CARF: variants seen among roughly 807,000 people sequenced by gnomAD.
CARF encodes calcium responsive transcription factor, also known as calcium-responsive transcription factor.
Under a neutral mutation model 82.0 loss-of-function variants are expected in CARF, and 57 were observed. The ratio of observed to expected loss-of-function variants is 0.70; its 90% CI spans 0.56 to 0.87. The LOEUF (loss-of-function observed/expected upper bound fraction) is 0.87. Ranked by LOEUF, CARF falls within the 40% of genes least tolerant of loss-of-function variation. The pLI is 0.00. For synonymous variants in CARF, 268 were observed against 290.1 expected (o/e 0.92, Z 0.77); for missense variants, 771 against 855.8 (o/e 0.90, Z 1.24).
intron 7 of CARF, among the ~76,000 whole-genome samples, chr2:202,955,014 G>GAA (rs778781065): frequency 7.3e-6 from 1 of 137,454 alleles, no homozygotes; most frequent in Non-Finnish European, 1.6e-5. Context: ...ACGCTGTCTC[G>GAA]AAAAAAAAAA....
intron 8 of CARF, among the ~76,000 whole-genome samples, chr2:202,955,981 C>T (rs559469614): frequency 1.3e-5 from 2 of 152,228 alleles, no homozygotes; most frequent in African/African-American, 4.8e-5. Flanking sequence ...TATTTCTTCT[C>T]TTGCAACTCT....
intron 3 of CARF, among the ~76,000 whole-genome samples, chr2:202,932,118 AAAC>A (rs1693047855): frequency 6.6e-6 from 1 of 151,956 alleles, no homozygotes; most frequent in Admixed American, 6.6e-5. Context: ...CCACACACTT[AAAC>A]AACGAGATCT....
rs2059313439 is a variant in CARF at position 202,961,353 on chromosome 2, A to G, written c.759A>G (p.Pro253=). The G allele has an allele frequency of 6.2e-7, 1 of 1,614,128 alleles. No individual in the cohort carries two copies. The highest frequency in any genetic ancestry group is 1.1e-5 in the South Asian group (1 of 91,094). Residue 253 remains proline (P), a synonymous_variant, in exon 9 of 17, where the codon CCA becomes CCG. Transcript: ENST00000438828. ...SVWGTRQSPS[P]AKPATRLMWK... is the part of the protein sequence containing the mutation. ...GGGGGACCCGTCAGTCTCCAAGCCCAGCCAAGCCTGCTACACGCTTGATGT... is the reference window on the plus strand; with the variant it reads ...GGGGGACCCGTCAGTCTCCAAGCCCGGCCAAGCCTGCTACACGCTTGATGT...
chr2:202,943,587 T>TACAC (rs754214990), intron 5 of CARF, among the ~76,000 whole-genome samples: 12,176 of 114,880 alleles, frequency 0.11, 712 homozygotes, highest in South Asian at 0.15. Flanking sequence ...TAATGGAATG[T>TACAC]ACACACACAC....
At chr2:202,979,992 C>CT (rs1365982175) in intron 14 of CARF, among the ~76,000 whole-genome samples, 2 of 152,160 alleles carry the variant, frequency 1.3e-5, no homozygotes, top group Non-Finnish European at 2.9e-5. Flanking sequence ...GGGTTTCACT[C>CT]TGTCACCCAT....
rs143712703 is a variant in CARF at position 202,916,449 on chromosome 2, G to A, written c.-329-1428G>A. Among the ~76,000 whole-genome samples the A allele has an allele frequency of 7.9e-5, 12 of 152,156 alleles. No individual in the cohort carries two copies. The East Asian group carries it at 2.1e-3, about 27-fold the overall frequency. ...GCCCACCTTGGCCTCCCAAAGTGCT[G>A]GGATTACAGGTGTGAGCCACCAGCA... On this transcript the variant is annotated intron_variant, in intron 1 of 16. Transcript: ENST00000438828.
chr2:202,970,184 G>C, intron 11 of CARF, 122 bp downstream of exon 11: 1 of 867,498 alleles, frequency 1.2e-6, no homozygotes, highest in South Asian at 1.9e-5. Flanking sequence ...ATAAGGTAGA[G>C]ATATCAATAG....
At chr2:202,945,681 A>G (rs1488702546) in intron 5 of CARF, among the ~76,000 whole-genome samples, 2 of 152,174 alleles carry the variant, frequency 1.3e-5, no homozygotes, top group Non-Finnish European at 2.9e-5. Context: ...CGTGGTGTAT[A>G]TGTACCACAT....
intron 1 of CARF, among the ~76,000 whole-genome samples, chr2:202,915,174 G>A (rs1559173633): frequency 6.6e-6 from 1 of 151,464 alleles, no homozygotes; most frequent in Admixed American, 6.6e-5. Context: ...CTGCCACCAT[G>A]CCCGGCTAAT....
At chr2:202,963,478 A>G (rs2059409703) in intron 9 of CARF, among the ~76,000 whole-genome samples, 1 of 152,178 alleles carries the variant, frequency 6.6e-6, no homozygotes, top group African/African-American at 2.4e-5. Flanking sequence ...AGCAGTCCCC[A>G]ATATTTTTGG....
intron 15 of CARF, 68 bp downstream of exon 15, chr2:202,981,753 C>T: frequency 7.4e-7 from 1 of 1,350,772 alleles, no homozygotes; most frequent in Non-Finnish European, 1.0e-6. Context: ...CTCTTCTTCT[C>T]CTAGGGATTT....
chr2:202,980,661 T>TATATATATATATATATATAC (rs1309966072), intron 14 of CARF, among the ~76,000 whole-genome samples: 1 of 125,434 alleles, frequency 8.0e-6, no homozygotes, highest in African/African-American at 3.1e-5. Context: ...TATATATATA[T>TATATATATATATATATATAC]AGTTGTGCCT....
chr2:202,982,478 C>T (rs751894102), intron 16 of CARF, 37 bp downstream of exon 16: 128 of 1,606,114 alleles, frequency 8.0e-5, no homozygotes, highest in Non-Finnish European at 1.1e-4. Flanking sequence ...ATTGTTGTAA[C>T]CTTTGTGGAT....
intron 3 of CARF, among the ~76,000 whole-genome samples, chr2:202,934,847 G>C (rs2105774113): frequency 6.6e-6 from 1 of 151,974 alleles, no homozygotes; most frequent in African/African-American, 2.4e-5. Context: ...AGGCCAAGGT[G>C]GGTAGATCAT....
chr2:202,970,856 T>C (rs1332796602), intron 11 of CARF, among the ~76,000 whole-genome samples: 1 of 151,930 alleles, frequency 6.6e-6, no homozygotes, highest in Non-Finnish European at 1.5e-5. Flanking sequence ...ACCGTCTACT[T>C]TTCTTTTTTT....
intron 3 of CARF, chr2:202,925,012 C>T: frequency 2.5e-6 from 1 of 400,914 alleles, no homozygotes; most frequent in Non-Finnish European, 4.8e-6. Context: ...CAAGTGGATC[C>T]TTTTGCAGCA....
At chr2:202,919,704 G>A (rs1188442375) in intron 2 of CARF, among the ~76,000 whole-genome samples, 1 of 152,126 alleles carries the variant, frequency 6.6e-6, no homozygotes, top group Non-Finnish European at 1.5e-5. Context: ...TAAAGCTATG[G>A]ATTTTTGACT....
At chr2:202,946,032 G>A in intron 5 of CARF, among the ~76,000 whole-genome samples, 1 of 152,070 alleles carries the variant, frequency 6.6e-6, no homozygotes, top group East Asian at 1.9e-4. Flanking sequence ...GTATCTCATT[G>A]TGGTTTTGAT....
rs2060431853 is a variant in CARF at position 202,986,522 on chromosome 2, C to T, written c.*2898C>T. ...TTATTCATTATAGTTTCCACATTTC[C>T]AACTTCCAAGTGAACTTTATATATA... On this transcript the variant is annotated 3_prime_UTR_variant, in exon 17 of 17. Transcript: ENST00000438828. 6.6e-6 allele frequency: 1 copy of T among 151,954 alleles called. No individual in the cohort carries two copies. Among genetic ancestry groups the T allele is most frequent in the African/African-American group, 2.4e-5 (1 of 41,376 alleles). The allele number at this position is 151,954 out of a possible 1,614,324, so 9.4% of individuals were successfully genotyped here.
Sources: gnomAD v4.1 joint callset for allele counts (sites outside exome capture counted in the v4.1 genomes callset) on GRCh38, gnomAD v4.1.1 for gene constraint, MANE v1.5 for transcripts, NCBI Gene and HGNC (gene_info 2026-07-23, HGNC 2026-07-21) for gene names.